The following MUC12 variants were observed in gnomAD, a reference collection of about 807,000 sequenced individuals.
The protein encoded by MUC12 is mucin-12.
In MUC12, 172 loss-of-function variants were observed where a neutral mutation model predicts 230.8. That is an observed-to-expected ratio of 0.75 (90% CI 0.66 to 0.85). The LOEUF (loss-of-function observed/expected upper bound fraction) is 0.85, where lower values mean the gene tolerates loss of function less well. Ranked by LOEUF, MUC12 falls within the 40% of genes least tolerant of loss-of-function variation. The pLI, the probability that MUC12 is intolerant of heterozygous loss-of-function variation, is 0.00. For missense variants in MUC12, 3,506 were observed against 5,920.6 expected (o/e 0.59, Z 13.38); for synonymous variants, 1,259 against 2,401.9 (o/e 0.52, Z 13.91).
At position 101,017,669 on chromosome 7, in the gene MUC12, T is replaced by G; in HGVS notation, c.15966+6T>G. The stretch of plus-strand genomic sequence containing the variant: ...CTGTTGACTCTGGCACAGAGGTGAC[T>G]CAGCTGCGAGCTGCCCCCACCCCCT... On this transcript the variant is annotated splice_donor_region_variant and intron_variant, in intron 11 of 11. Transcript: ENST00000536621. 1 of 1,534,692 alleles carries G rather than the reference T, an allele frequency of 6.5e-7. No homozygotes were observed. Among genetic ancestry groups the G allele is most frequent in the Non-Finnish European group, 8.7e-7 (1 of 1,145,150 alleles).
chr7:101,015,813 G>GCCAC, intron 10 of MUC12, 122 bp downstream of exon 10: 1 of 838,448 alleles, frequency 1.2e-6, no homozygotes, highest in Non-Finnish European at 1.9e-6. Context: ...GTGACTGACA[G>GCCAC]CCCGTTCCCT....
chr7:101,012,913 G>T (rs1304289567), intron 7 of MUC12, 23 bp downstream of exon 7: 1 of 1,537,226 alleles, frequency 6.5e-7, no homozygotes, highest in Admixed American at 2.0e-5. Context: ...GTGGAGCGTG[G>T]GCACTAAGAG....
At chr7:101,017,784 T>TGGGACTCCCTCCC in intron 11 of MUC12, 121 bp downstream of exon 11, 1 of 427,212 alleles carries the variant, frequency 2.3e-6, no homozygotes, top group South Asian at 2.5e-5. Context: ...ACTCCCTCCC[T>TGGGACTCCCTCCC]TCCCCCTGGG....
chr7:100,984,646 T>C (rs1472699990), intron 1 of MUC12, among the ~76,000 whole-genome samples: 2 of 152,168 alleles, frequency 1.3e-5, no homozygotes, highest in Non-Finnish European at 2.9e-5. Context: ...TTTTGATTGA[T>C]AGGTGTGTCA....
intron 3 of MUC12, among the ~76,000 whole-genome samples, chr7:101,007,174 G>A (rs1793767430): frequency 6.6e-6 from 1 of 152,286 alleles, no homozygotes; most frequent in East Asian, 1.9e-4. Context: ...GGCCAGGCTG[G>A]TATGGAACTA....
rs539271284 is a variant in MUC12 at position 101,013,980 on chromosome 7, G to A, written c.15706G>A (p.Val5236Met). 1.5e-5 allele frequency: 23 copies of A among 1,536,498 alleles called. No individual in the cohort carries two copies. In the East Asian group the frequency reaches 2.7e-4, roughly 18 times the overall value. ...TGAATTCAACATCGCCAAGAGCCTCGTGTATGGGATCGTGGGGGCTGTGAT... is the reference window on the plus strand; with the variant it reads ...TGAATTCAACATCGCCAAGAGCCTCATGTATGGGATCGTGGGGGCTGTGAT... ...TCEFNIAKSL[V>M]YGIVGAVMAV... Residue 5236 changes from valine to methionine, a missense_variant, in exon 9 of 12, where the codon GTG becomes ATG. Physicochemically the swap from Val to Met is conservative, Grantham distance 21. Transcript: ENST00000536621.
At position 100,992,384 on chromosome 7, in the gene MUC12, C is replaced by T. The variant is rs377666268; in HGVS notation, c.1821C>T (p.Pro607=). 3.0e-5 allele frequency: 46 copies of T among 1,536,568 alleles called. No homozygotes were observed. Among genetic ancestry groups the T allele is most frequent in the East Asian group, 1.2e-4 (5 of 40,900 alleles). Residue 607 remains proline, a synonymous_variant, in exon 2 of 12, where the codon CCC becomes CCT. Coordinates refer to ENST00000536621, the MANE Select transcript of MUC12 (RefSeq NM_001164462.2). ...CAGGACTCCTTGAAGCATCTATGCCCGTCCACAGCAGCACCAGATCGCCAC... is the reference window on the plus strand; with the variant it reads ...CAGGACTCCTTGAAGCATCTATGCCTGTCCACAGCAGCACCAGATCGCCAC... The part of the protein sequence containing the change: ...TASGLLEASM[P]VHSSTRSPHT...
chr7:100,976,512 A>G (rs1312826785), intron 1 of MUC12, among the ~76,000 whole-genome samples: 1 of 151,774 alleles, frequency 6.6e-6, no homozygotes, highest in East Asian at 1.9e-4. Flanking sequence ...GCTGAGGCAG[A>G]AGAATGGCGT....
chr7:101,004,963 GC>G lies in MUC12; in HGVS notation c.14402del (p.Pro4801GlnfsTer183). 1 of 1,537,660 alleles carries G rather than the reference GC, an allele frequency of 6.5e-7. No homozygotes were observed. The highest frequency in any genetic ancestry group is 8.7e-7 in the Non-Finnish European group (1 of 1,147,032). On this transcript the variant is annotated frameshift_variant, in exon 2 of 12. Coordinates refer to ENST00000536621, the MANE Select transcript of MUC12 (RefSeq NM_001164462.2). LOFTEE classifies it high-confidence loss of function. ...SQESTTFHSK[P>X]GSTETTLSPG... Reference sequence around the variant, plus strand: ...AGGAATCAACAACTTTCCACAGTAAGCCAGGCTCAACTGAGACAACACTGTC... The same window carrying G: ...AGGAATCAACAACTTTCCACAGTAAGCAGGCTCAACTGAGACAACACTGTC...
At chr7:101,009,205 T>C in intron 5 of MUC12, 46 bp downstream of exon 5, 1 of 1,511,848 alleles carries the variant, frequency 6.6e-7, no homozygotes, top group Non-Finnish European at 8.9e-7. Context: ...GAAATCCTCC[T>C]TGTCCCTGCT....
chr7:100,987,970 TAAA>T (rs34064326), intron 1 of MUC12, among the ~76,000 whole-genome samples: 1 of 114,158 alleles, frequency 8.8e-6, no homozygotes. Context: ...AAACTACGTC[TAAA>T]AAAAAAAAAA....
intron 1 of MUC12, among the ~76,000 whole-genome samples, chr7:100,978,706 G>A (rs1324360889): frequency 6.6e-6 from 1 of 152,188 alleles, no homozygotes; most frequent in Non-Finnish European, 1.5e-5. Context: ...TCAAAGCTTG[G>A]TGATGGTCTT....
At chr7:101,008,790 A>G (rs1355183356) in intron 4 of MUC12, 29 bp downstream of exon 4, 2 of 1,529,178 alleles carry the variant, frequency 1.3e-6, no homozygotes, top group African/African-American at 2.7e-5. Flanking sequence ...CAGACACCCC[A>G]GGGTGATGTC....
rs1321553177 is a variant in MUC12, at chr7:101,013,040, A to G, written c.15536A>G (p.Asp5179Gly). 2 of 1,537,234 alleles carry G rather than the reference A, an allele frequency of 1.3e-6. No individual in the cohort carries two copies. The highest frequency in any genetic ancestry group is 1.7e-6 in the Non-Finnish European group (2 of 1,146,936). The stretch of plus-strand genomic sequence containing the variant: ...CAGTTCTACTATGTGGATGTCTTGG[A>G]TGGGAAGCTGGCCTGTGTGAACAAG... ...YTQFYYVDVLDGKLACVNKCT... is the reference protein window; with the variant it reads ...YTQFYYVDVLGGKLACVNKCT... Residue 5179 changes from aspartate to glycine, a missense_variant, in exon 8 of 12, where the codon GAT becomes GGT. By Grantham distance (94) the Asp-to-Gly change is moderately conservative (BLOSUM62 -1). Transcript: ENST00000536621.
chr7:101,013,182 T>G, intron 8 of MUC12, 40 bp downstream of exon 8: 1 of 1,533,958 alleles, frequency 6.5e-7, no homozygotes, highest in Non-Finnish European at 8.7e-7. Context: ...TCTGTCCTGG[T>G]GATAGGGCCC....
chr7:101,004,723 A>C lies in MUC12; in HGVS notation c.14160A>C (p.Ser4720=). ...CCACCTTCTATATCTCTCCAGGCTC[A>C]ATGGAAACAACATTAGCCAGCACTG... ...ESTTFYISPG[S]METTLASTAT... Residue 4720 remains serine, a synonymous_variant, in exon 2 of 12, where the codon TCA becomes TCC. Coordinates refer to ENST00000536621, the MANE Select transcript of MUC12 (RefSeq NM_001164462.2). 6.5e-7 allele frequency: 1 copy of C among 1,536,938 alleles called. No individual in the cohort carries two copies. Among genetic ancestry groups the C allele is most frequent in the Non-Finnish European group, 8.7e-7 (1 of 1,146,326 alleles).
intron 1 of MUC12, among the ~76,000 whole-genome samples, chr7:100,972,509 C>CT (rs764820674): frequency 0.019 from 2,711 of 143,458 alleles, 32 homozygotes; most frequent in South Asian, 0.024. Context: ...GCATCTGTAG[C>CT]TTTTTTTTTT....
chr7:100,981,418 G>T, intron 1 of MUC12: 1 of 631,032 alleles, frequency 1.6e-6, no homozygotes. Context: ...AGGGGACGAC[G>T]GGGATGGCAG....
At chr7:100,988,848 A>T (rs1326285883) in intron 1 of MUC12, among the ~76,000 whole-genome samples, 2 of 152,164 alleles carry the variant, frequency 1.3e-5, no homozygotes, top group Non-Finnish European at 2.9e-5. Flanking sequence ...TAATTGAATC[A>T]TTGGGGGCAG....
Sources: gnomAD v4.1 joint callset for allele counts (sites outside exome capture counted in the v4.1 genomes callset) on GRCh38, gnomAD v4.1.1 for gene constraint, MANE v1.5 for transcripts, NCBI Gene and HGNC (gene_info 2026-07-23, HGNC 2026-07-21) for gene names.